Variants in GPR149 observed in about 807,000 individuals in gnomAD.
The protein encoded by GPR149 is probable G protein-coupled receptor 149.
A neutral mutation model predicts 50.2 loss-of-function variants in GPR149; 50 were observed. That is an observed-to-expected ratio of 1.00 (90% CI 0.79 to 1.26). GPR149 has a LOEUF of 1.26. Ranked by LOEUF, GPR149 falls within the 50% of genes most tolerant of loss-of-function variation. The pLI is 0.00. For missense variants in GPR149, 983 were observed against 895.4 expected (o/e 1.10, Z -1.25); for synonymous variants, 405 against 358.2 (o/e 1.13, Z -1.48).
At chr3:154,355,781 T>G (rs550186624) in intron 3 of GPR149, among the ~76,000 whole-genome samples, 7 of 152,302 alleles carry the variant, frequency 4.6e-5, no homozygotes, top group Admixed American at 1.3e-4. Flanking sequence ...AAAAAATGTT[T>G]GCAAGAAAAA....
intron 3 of GPR149, among the ~76,000 whole-genome samples, chr3:154,420,743 G>A (rs1279515386): frequency 5.9e-5 from 9 of 151,822 alleles, no homozygotes; most frequent in Non-Finnish European, 1.2e-4. Context: ...TGAGTTCTGC[G>A]AATCTAATCT....
At chr3:154,360,123 T>G (rs1276057645) in intron 3 of GPR149, among the ~76,000 whole-genome samples, 2 of 152,218 alleles carry the variant, frequency 1.3e-5, no homozygotes, top group East Asian at 1.9e-4. Flanking sequence ...ATTCTGGCTA[T>G]GAATGAATTC....
chr3:154,385,467 A>G (rs546056271), intron 3 of GPR149, among the ~76,000 whole-genome samples: 2 of 152,276 alleles, frequency 1.3e-5, no homozygotes, highest in African/African-American at 4.8e-5. Context: ...TCTTCTGGGG[A>G]GTGAGCAGGG....
At chr3:154,416,296 C>T (rs913475805) in intron 3 of GPR149, among the ~76,000 whole-genome samples, 2 of 151,728 alleles carry the variant, frequency 1.3e-5, no homozygotes, top group East Asian at 1.9e-4. Flanking sequence ...TTTTAATGTG[C>T]ATATTAGCCC....
At chr3:154,428,373 T>C (rs751963503) in intron 1 of GPR149, among the ~76,000 whole-genome samples, 2 of 152,234 alleles carry the variant, frequency 1.3e-5, no homozygotes, top group Non-Finnish European at 2.9e-5. Flanking sequence ...TATGGAAAAC[T>C]AAGTCGCTCG....
rs111406287 is a variant in GPR149, at chr3:154,339,758, G to C, written c.1624-1487C>G. Among the ~76,000 whole-genome samples the C allele has an allele frequency of 5.6e-3, 837 of 149,760 alleles. 3 individuals are homozygous for C. Among genetic ancestry groups the C allele is most frequent in the Non-Finnish European group, 8.9e-3 (600 of 67,580 alleles). The stretch of plus-strand genomic sequence containing the variant: ...TTTGAAAAAGAATGAGTTTCATTGG[G>C]GGTGCCTTCATGCTCTACTTCTTTT... On this transcript the variant is annotated intron_variant, in intron 3 of 3. Transcript: ENST00000389740.
intron 3 of GPR149, among the ~76,000 whole-genome samples, chr3:154,420,557 G>A (rs1443523653): frequency 6.6e-6 from 1 of 151,922 alleles, no homozygotes; most frequent in Non-Finnish European, 1.5e-5. Context: ...ATTAGTTCTA[G>A]TAAGACTGAT....
chr3:154,420,987 A>G, intron 3 of GPR149, 52 bp downstream of exon 3: 2 of 1,288,192 alleles, frequency 1.6e-6, no homozygotes, highest in South Asian at 1.4e-5. Flanking sequence ...TTTCATGACT[A>G]TCATATTTAG....
At chr3:154,417,645 T>C (rs1349241917) in intron 3 of GPR149, among the ~76,000 whole-genome samples, 1 of 152,046 alleles carries the variant, frequency 6.6e-6, no homozygotes, top group African/African-American at 2.4e-5. Flanking sequence ...AAGTAGTGTT[T>C]TTATAGAGTA....
chr3:154,361,352 A>G (rs1306083242), intron 3 of GPR149, among the ~76,000 whole-genome samples: 1 of 152,206 alleles, frequency 6.6e-6, no homozygotes, highest in Non-Finnish European at 1.5e-5. Context: ...TGGGGAGAGA[A>G]TAGCATACAC....
rs768296181 is a variant in GPR149 at position 154,429,147 on chromosome 3, C to T, written c.469G>A (p.Val157Met). 2.5e-6 allele frequency: 4 copies of T among 1,613,640 alleles called. No homozygotes were observed. In the South Asian group the frequency reaches 4.4e-5, roughly 18 times the overall value. Residue 157 changes from valine to methionine, a missense_variant, in exon 1 of 4, where the codon GTG becomes ATG. Physicochemically the swap from Val to Met is conservative, Grantham distance 21. Coordinates refer to ENST00000389740, the MANE Select transcript of GPR149 (RefSeq NM_001038705.3). The stretch of plus-strand genomic sequence containing the variant: ...GAGAGCAGCAGACTGGCTGCCCACA[C>T]GGTCAGCACCACGCCGAGCACCTGG... Reference protein sequence around the residue: ...SGQVLGVVLTVWAASLLLSAL... With the variant: ...SGQVLGVVLTMWAASLLLSAL...
chr3:154,398,516 A>G (rs1177965378), intron 3 of GPR149, among the ~76,000 whole-genome samples: 2 of 152,152 alleles, frequency 1.3e-5, no homozygotes, highest in Non-Finnish European at 2.9e-5. Flanking sequence ...TTCTATTTGC[A>G]TCTGAATTGA....
At chr3:154,422,723 T>C (rs73162362) in intron 2 of GPR149, among the ~76,000 whole-genome samples, 3 of 151,834 alleles carry the variant, frequency 2.0e-5, no homozygotes, top group Admixed American at 6.6e-5. Flanking sequence ...AGAACAAGTT[T>C]GATTCAAAGA....
intron 3 of GPR149, among the ~76,000 whole-genome samples, chr3:154,386,581 C>T (rs1445304197): frequency 6.6e-6 from 1 of 152,192 alleles, no homozygotes; most frequent in Non-Finnish European, 1.5e-5. Context: ...GTAGTGCAAA[C>T]CAATTCCTTC....
At chr3:154,342,762 T>C (rs1713825772) in intron 3 of GPR149, among the ~76,000 whole-genome samples, 1 of 129,826 alleles carries the variant, frequency 7.7e-6, no homozygotes. Flanking sequence ...CTTTTCAGAA[T>C]GCCCTCCATA....
At chr3:154,339,394 A>G (rs1292481367) in intron 3 of GPR149, among the ~76,000 whole-genome samples, 8 of 152,220 alleles carry the variant, frequency 5.3e-5, no homozygotes, top group Admixed American at 1.3e-4. Flanking sequence ...GACACTTTTT[A>G]TATAAGTGCT....
chr3:154,363,549 G>A (rs1182104115), intron 3 of GPR149, among the ~76,000 whole-genome samples: 3 of 151,872 alleles, frequency 2.0e-5, no homozygotes, highest in African/African-American at 7.3e-5. Flanking sequence ...TTATAAGGAT[G>A]TTAATCCTGA....
chr3:154,390,670 A>C (rs1409734137), intron 3 of GPR149, among the ~76,000 whole-genome samples: 1 of 152,178 alleles, frequency 6.6e-6, no homozygotes, highest in African/African-American at 2.4e-5. Context: ...TAATGAATGA[A>C]AACTTCCCAA....
intron 3 of GPR149, among the ~76,000 whole-genome samples, chr3:154,346,291 A>G (rs924004025): frequency 2.6e-5 from 4 of 152,232 alleles, no homozygotes; most frequent in Non-Finnish European, 5.9e-5. Context: ...AAACAAAAGT[A>G]GATTTTTAAT....
Sources: gnomAD v4.1 joint callset for allele counts (sites outside exome capture counted in the v4.1 genomes callset) on GRCh38, gnomAD v4.1.1 for gene constraint, MANE v1.5 for transcripts, NCBI Gene and HGNC (gene_info 2026-07-23, HGNC 2026-07-21) for gene names.